The following AGBL1 variants were observed in gnomAD, a reference collection of about 807,000 sequenced individuals.
The protein encoded by AGBL1 is AGBL carboxypeptidase 1.
A neutral mutation model predicts 118.9 loss-of-function variants in AGBL1; 130 were observed. The observed-to-expected ratio is 1.09, with a 90% CI of 0.95 to 1.26. The LOEUF (loss-of-function observed/expected upper bound fraction) is 1.26, where lower values mean the gene tolerates loss of function less well. AGBL1 is among the 50% of genes most tolerant of loss of function. The probability of loss-of-function intolerance (pLI) is 0.00; values close to 1 mark genes in which losing one functional copy is unlikely to be tolerated. For synonymous variants in AGBL1, 555 were observed against 478.9 expected, an observed-to-expected ratio of 1.16 and a Z score of -2.08; for missense variants, 1,584 against 1,298.1, an observed-to-expected ratio of 1.22 and a Z score of -3.38.
intron 18 of AGBL1, among the ~76,000 whole-genome samples, chr15:86,507,179 C>T (rs753507932): frequency 6.6e-6 from 1 of 152,122 alleles, no homozygotes; most frequent in East Asian, 1.9e-4. Context: ...AGTAAAATAA[C>T]TTTAAAATGT....
chr15:86,171,716 A>G (rs1382493235), intron 5 of AGBL1, among the ~76,000 whole-genome samples: 1 of 152,192 alleles, frequency 6.6e-6, no homozygotes, highest in African/African-American at 2.4e-5. Context: ...ATATAATCAT[A>G]TTGATAAACA....
At chr15:86,224,092 C>T (rs1389318841) in intron 5 of AGBL1, among the ~76,000 whole-genome samples, 1 of 152,134 alleles carries the variant, frequency 6.6e-6, no homozygotes, top group Non-Finnish European at 1.5e-5. Context: ...CAGATCACTG[C>T]TTAGCAGGCC....
chr15:86,838,414 T>C (rs1322896459), intron 22 of AGBL1, among the ~76,000 whole-genome samples: 2 of 152,136 alleles, frequency 1.3e-5, no homozygotes, highest in Admixed American at 6.5e-5. Context: ...GGCTGGACAT[T>C]AGATTACATT....
intron 22 of AGBL1, among the ~76,000 whole-genome samples, chr15:86,722,057 A>G (rs1399787292): frequency 3.9e-5 from 6 of 152,092 alleles, no homozygotes; most frequent in Admixed American, 6.5e-5. Context: ...GGAAGAATCA[A>G]TATCGTGAAA....
At chr15:86,470,474 C>T (rs537578109) in intron 18 of AGBL1, among the ~76,000 whole-genome samples, 3 of 152,002 alleles carry the variant, frequency 2.0e-5, no homozygotes, top group East Asian at 1.9e-4. Flanking sequence ...TCTACAAGTT[C>T]GTGGTATGCT....
intron 22 of AGBL1, among the ~76,000 whole-genome samples, chr15:86,882,836 C>T (rs73447117): frequency 0.078 from 11,815 of 152,178 alleles, 514 homozygotes; most frequent in African/African-American, 0.092. Context: ...TAGACAGGAA[C>T]CTAATGGAAA....
intron 17 of AGBL1, among the ~76,000 whole-genome samples, chr15:86,334,512 T>C (rs1040209816): frequency 1.3e-5 from 2 of 152,130 alleles, no homozygotes; most frequent in Non-Finnish European, 2.9e-5. Flanking sequence ...GAAACATAGA[T>C]GACAGAAACA....
At chr15:86,114,749 A>G (rs887380139) in intron 1 of AGBL1, among the ~76,000 whole-genome samples, 3 of 152,104 alleles carry the variant, frequency 2.0e-5, no homozygotes, top group Non-Finnish European at 2.9e-5. Context: ...GCTTGGTGCA[A>G]ATGACAACCC....
At chr15:86,746,609 C>T (rs1173204686) in intron 22 of AGBL1, among the ~76,000 whole-genome samples, 1 of 152,046 alleles carries the variant, frequency 6.6e-6, no homozygotes, top group African/African-American at 2.4e-5. Context: ...ATCCCCAGTG[C>T]TTAGGAGAAG....
intron 18 of AGBL1, among the ~76,000 whole-genome samples, chr15:86,436,934 G>A (rs4301998): frequency 0.43 from 64,687 of 151,766 alleles, 14,420 homozygotes; most frequent in East Asian, 0.82. Flanking sequence ...ACTCACCAAA[G>A]TAAAACAAAC....
intron 18 of AGBL1, among the ~76,000 whole-genome samples, chr15:86,479,868 A>G (rs887556295): frequency 6.6e-6 from 1 of 152,216 alleles, no homozygotes; most frequent in Non-Finnish European, 1.5e-5. Flanking sequence ...GGATTAAGAA[A>G]ATGTGGCACA....
At chr15:86,609,329 T>G (rs2084626755) in intron 21 of AGBL1, among the ~76,000 whole-genome samples, 1 of 152,136 alleles carries the variant, frequency 6.6e-6, no homozygotes, top group African/African-American at 2.4e-5. Context: ...AAGCAGAAGT[T>G]GCTAGGTTGC....
intron 22 of AGBL1, among the ~76,000 whole-genome samples, chr15:86,788,783 T>C (rs940626104): frequency 2.6e-5 from 4 of 152,174 alleles, no homozygotes; most frequent in Admixed American, 6.5e-5. Flanking sequence ...CGAAGGCCTC[T>C]CTAAGGTACA....
intron 22 of AGBL1, among the ~76,000 whole-genome samples, chr15:86,817,575 GACAC>G (rs61414348): frequency 0.39 from 50,363 of 130,330 alleles, 10,651 homozygotes; most frequent in Non-Finnish European, 0.52. Flanking sequence ...GAAAGAGACA[GACAC>G]ACACACACAC....
chr15:86,431,346 T>C (rs1406864078), intron 18 of AGBL1, among the ~76,000 whole-genome samples: 1 of 152,208 alleles, frequency 6.6e-6, no homozygotes, highest in African/African-American at 2.4e-5. Context: ...TATGAAGTAT[T>C]TAGTAGGGTA....
chr15:86,779,776 A>G (rs1467770307), intron 22 of AGBL1, among the ~76,000 whole-genome samples: 3 of 152,088 alleles, frequency 2.0e-5, no homozygotes, highest in African/African-American at 7.2e-5. Flanking sequence ...TGACTAATAA[A>G]ATAGAGTATT....
At chr15:87,004,551 C>A (rs2081477141) in intron 24 of AGBL1, among the ~76,000 whole-genome samples, 1 of 152,110 alleles carries the variant, frequency 6.6e-6, no homozygotes, top group Non-Finnish European at 1.5e-5. Flanking sequence ...GTAGATCTTC[C>A]TCCATCCCTT....
At chr15:86,361,941 T>G (rs2080812170) in intron 17 of AGBL1, among the ~76,000 whole-genome samples, 1 of 152,178 alleles carries the variant, frequency 6.6e-6, no homozygotes, top group South Asian at 2.1e-4. Flanking sequence ...TCCATTTACA[T>G]TTTTTGATAG....
intron 24 of AGBL1, among the ~76,000 whole-genome samples, chr15:87,003,056 A>C (rs960261345): frequency 6.6e-6 from 1 of 152,166 alleles, no homozygotes; most frequent in Non-Finnish European, 1.5e-5. Context: ...GTCTTGTGCC[A>C]GTTTTCAAAG....
Sources: allele counts gnomAD v4.1 joint callset (sites outside exome capture counted in the v4.1 genomes callset), GRCh38; gene constraint gnomAD v4.1.1; transcripts MANE v1.5; gene names NCBI Gene and HGNC (gene_info 2026-07-23, HGNC 2026-07-21).